Variants in FANCB observed in about 807,000 individuals in gnomAD.
FANCB encodes Fanconi anemia group B protein.
A neutral mutation model predicts 38.9 loss-of-function variants in FANCB; 5 were observed. The ratio of observed to expected loss-of-function variants is 0.13; its 90% CI spans 0.07 to 0.27. The LOEUF (loss-of-function observed/expected upper bound fraction) is 0.27. FANCB is among the 10% of genes least tolerant of loss of function. The probability of loss-of-function intolerance (pLI) is 1.00; values close to 1 mark genes in which losing one functional copy is unlikely to be tolerated. For missense variants in FANCB, 573 were observed against 602.7 expected, an observed-to-expected ratio of 0.95 and a Z score of 0.52; for synonymous variants, 236 against 215.4, an observed-to-expected ratio of 1.10 and a Z score of -0.84.
At chrX:14,760,271 C>T in the FANCB span, among the ~76,000 whole-genome samples, 1 of 112,163 alleles carries the variant, frequency 8.9e-6, no homozygotes, top group East Asian at 2.8e-4. Context: ...AAACCTAGGA[C>T]ATTATGCTAA....
chrX:14,871,201 CTT>C (rs1276861700), intron 1 of FANCB, among the ~76,000 whole-genome samples: 1 of 111,110 alleles, frequency 9.0e-6, no homozygotes, highest in Non-Finnish European at 1.9e-5. Context: ...ATATTAAGGA[CTT>C]ATAAATTTCT....
chrX:14,772,863 C>T, the FANCB span, among the ~76,000 whole-genome samples: 1 of 111,631 alleles, frequency 9.0e-6, no homozygotes, highest in Admixed American at 9.4e-5. Flanking sequence ...ATGGGAGAAG[C>T]ATGGTTTCCC....
At chrX:14,798,530 G>A in the FANCB span, among the ~76,000 whole-genome samples, 1 of 112,279 alleles carries the variant, frequency 8.9e-6, no homozygotes, top group East Asian at 2.8e-4. Flanking sequence ...TACCCAAAAG[G>A]AGAGTATTTA....
At chrX:14,759,920 C>T in the FANCB span, among the ~76,000 whole-genome samples, 3 of 111,446 alleles carry the variant, frequency 2.7e-5, no homozygotes, top group African/African-American at 9.8e-5. Flanking sequence ...GCTTCATAAG[C>T]CAAGGAGAAA....
chrX:14,812,022 G>T, the FANCB span, among the ~76,000 whole-genome samples: 1 of 111,235 alleles, frequency 9.0e-6, no homozygotes, highest in East Asian at 2.8e-4. Flanking sequence ...ATTCCAAACC[G>T]CTCAACTACA....
chrX:14,743,967 C>T, the FANCB span, among the ~76,000 whole-genome samples: 3 of 111,709 alleles, frequency 2.7e-5, no homozygotes, highest in African/African-American at 9.8e-5. Flanking sequence ...CCAGTATGAC[C>T]TCATTTTAGC....
the FANCB span, among the ~76,000 whole-genome samples, chrX:14,800,101 A>G: frequency 8.9e-6 from 1 of 111,938 alleles, no homozygotes; most frequent in Non-Finnish European, 1.9e-5. Context: ...AAGAACATCA[A>G]CGGTGTGACT....
At chrX:14,730,594 GAGGGAGGGTCATGGGGGT>G in the FANCB span, 2 of 108,954 alleles carry the variant, frequency 1.8e-5, no homozygotes, top group South Asian at 2.8e-4. Flanking sequence ...AGGGAGGGGG[GAGGGAGGGTCATGGGGGT>G]GGGTTTCCTG....
At chrX:14,743,078 G>A in the FANCB span, among the ~76,000 whole-genome samples, 1 of 112,130 alleles carries the variant, frequency 8.9e-6, no homozygotes, top group Non-Finnish European at 1.9e-5. Flanking sequence ...CGGAGTAGGC[G>A]AGTAGGCCTT....
the FANCB span, among the ~76,000 whole-genome samples, chrX:14,813,085 T>C: frequency 8.5e-5 from 9 of 105,298 alleles, no homozygotes; most frequent in East Asian, 1.8e-3. Context: ...TCTCAATAGA[T>C]GCAGAAAAGG....
intron 5 of FANCB, 121 bp from the exon 6 acceptor site, chrX:14,853,288 A>G (rs1292908395): frequency 3.2e-6 from 2 of 629,734 alleles, no homozygotes; most frequent in Non-Finnish European, 4.9e-6. Flanking sequence ...TATAGAAAAT[A>G]AAATACTTCT....
the FANCB span, among the ~76,000 whole-genome samples, chrX:14,728,824 C>T: frequency 1.4e-4 from 16 of 112,629 alleles, no homozygotes; most frequent in Middle Eastern, 4.6e-3. Flanking sequence ...CTTGCAGGTT[C>T]TGCAGCTTCC....
At chrX:14,691,625 A>G in the FANCB span, among the ~76,000 whole-genome samples, 1 of 111,267 alleles carries the variant, frequency 9.0e-6, no homozygotes, top group Non-Finnish European at 1.9e-5. Context: ...TACACCAACT[A>G]AACCTCAATG....
At chrX:14,829,383 T>G in the FANCB span, among the ~76,000 whole-genome samples, 1 of 111,579 alleles carries the variant, frequency 9.0e-6, no homozygotes, top group Non-Finnish European at 1.9e-5. Context: ...GCATTGTCTT[T>G]AAGTCATCAG....
At chrX:14,690,796 C>T in the FANCB span, 1 of 1,205,301 alleles carries the variant, frequency 8.3e-7, no homozygotes, top group Non-Finnish European at 1.1e-6. Context: ...CAGCGGTGAA[C>T]TTCGTCTCCA....
chrX:14,832,836 C>G (rs1213147295), downstream of FANCB, among the ~76,000 whole-genome samples: 3 of 112,174 alleles, frequency 2.7e-5, no homozygotes, highest in African/African-American at 9.7e-5. Context: ...TCCTGCTAAG[C>G]TGCTGAATCA....
the FANCB span, among the ~76,000 whole-genome samples, chrX:14,768,015 T>C: frequency 6.6e-4 from 74 of 111,551 alleles, no homozygotes; most frequent in African/African-American, 2.3e-3. Context: ...ATTTCTGAGT[T>C]CTCTATTCTG....
chrX:14,809,703 A>G, the FANCB span, among the ~76,000 whole-genome samples: 1 of 112,868 alleles, frequency 8.9e-6, no homozygotes, highest in Admixed American at 9.3e-5. Context: ...GGAGCCCACC[A>G]CAGCTCAAGG....
chrX:14,865,617 G>A (rs1705584878), intron 2 of FANCB, 37 bp from the exon 3 acceptor site: 1 of 587,866 alleles, frequency 1.7e-6, no homozygotes, highest in East Asian at 3.5e-5. Flanking sequence ...CATGAAGTAG[G>A]AAGGGTTGAA....
Sources: allele counts gnomAD v4.1 joint callset (sites outside exome capture counted in the v4.1 genomes callset), GRCh38; gene constraint gnomAD v4.1.1; transcripts MANE v1.5; gene names NCBI Gene and HGNC (gene_info 2026-07-23, HGNC 2026-07-21).